DRC11: variants seen among roughly 807,000 people sequenced by gnomAD.
The protein encoded by DRC11 is dynein regulatory complex subunit 11.
chr2:236,393,426 T>A, the DRC11 span, among the ~76,000 whole-genome samples: 2 of 152,148 alleles, frequency 1.3e-5, no homozygotes, highest in Non-Finnish European at 2.9e-5. The surrounding 1 kb of genome is among the most constrained non-coding windows in gnomAD (Gnocchi z 4.7). Flanking sequence ...AAGCATGGCA[T>A]GACCCACTGA....
At chr2:236,501,326 G>A in the DRC11 span, among the ~76,000 whole-genome samples, 3 of 152,040 alleles carry the variant, frequency 2.0e-5, no homozygotes, top group African/African-American at 7.2e-5. Flanking sequence ...AGTTGGGTGG[G>A]GACACAAATC....
At chr2:236,311,746 A>C in the DRC11 span, among the ~76,000 whole-genome samples, 1 of 143,412 alleles carries the variant, frequency 7.0e-6, no homozygotes, top group East Asian at 2.1e-4. This position sits in a 1 kb window ranked among gnomAD's most constrained non-coding sequence, Gnocchi z 6.9. Flanking sequence ...GTTGGGGCTC[A>C]CTTTTGTCTC....
chr2:236,464,645 T>G, the DRC11 span, among the ~76,000 whole-genome samples: 1 of 152,120 alleles, frequency 6.6e-6, no homozygotes. Flanking sequence ...TATCTACCCA[T>G]CTGATAAAGT....
chr2:236,484,348 C>T, the DRC11 span, among the ~76,000 whole-genome samples: 4 of 152,158 alleles, frequency 2.6e-5, no homozygotes, highest in African/African-American at 9.7e-5. Flanking sequence ...TTTGAACATG[C>T]ATTTTATCTG....
chr2:236,350,951 C>T, the DRC11 span, among the ~76,000 whole-genome samples: 2 of 152,204 alleles, frequency 1.3e-5, no homozygotes, highest in Middle Eastern at 3.4e-3. The surrounding 1 kb of genome is among the most constrained non-coding windows in gnomAD (Gnocchi z 5.2). Context: ...GAAGCTACTT[C>T]GTCCAGGAGG....
chr2:236,417,202 C>T, the DRC11 span, among the ~76,000 whole-genome samples: 1 of 152,258 alleles, frequency 6.6e-6, no homozygotes, highest in Non-Finnish European at 1.5e-5. Flanking sequence ...TTGCCTACAT[C>T]GTGCCAGATT....
chr2:236,307,818 C>T, the DRC11 span, among the ~76,000 whole-genome samples: 1 of 152,244 alleles, frequency 6.6e-6, no homozygotes, highest in Admixed American at 6.5e-5. The surrounding 1 kb of genome is among the most constrained non-coding windows in gnomAD (Gnocchi z 7.0). Flanking sequence ...ACAATAGCTT[C>T]CCTGCTGCTT....
the DRC11 span, among the ~76,000 whole-genome samples, chr2:236,432,577 T>C: frequency 0.2 from 30,550 of 152,108 alleles, 3,334 homozygotes; most frequent in Middle Eastern, 0.28. Flanking sequence ...TGTCTATTCA[T>C]ATCCTTTTGC....
At chr2:236,493,161 G>C in the DRC11 span, among the ~76,000 whole-genome samples, 10 of 152,220 alleles carry the variant, frequency 6.6e-5, no homozygotes, top group South Asian at 8.3e-4. Flanking sequence ...GTTTGTGCAG[G>C]GAAACTCCCC....
At chr2:236,477,981 A>G in the DRC11 span, among the ~76,000 whole-genome samples, 11 of 151,042 alleles carry the variant, frequency 7.3e-5, no homozygotes, top group African/African-American at 2.7e-4. Context: ...TCTTTTCAAA[A>G]ACTCAACTTT....
At chr2:236,405,142 C>A in the DRC11 span, among the ~76,000 whole-genome samples, 1 of 152,150 alleles carries the variant, frequency 6.6e-6, no homozygotes, top group South Asian at 2.1e-4. This position sits in a 1 kb window ranked among gnomAD's most constrained non-coding sequence, Gnocchi z 4.6. Flanking sequence ...TGGCACCCAA[C>A]AAATGTAAAT....
At chr2:236,353,591 G>GA in the DRC11 span, among the ~76,000 whole-genome samples, 12 of 151,650 alleles carry the variant, frequency 7.9e-5, no homozygotes, top group East Asian at 1.9e-4. The surrounding 1 kb of genome is among the most constrained non-coding windows in gnomAD (Gnocchi z 5.0). Flanking sequence ...AGAACTGCAG[G>GA]AAAAAAAACA....
At chr2:236,502,548 C>CCTGGG in the DRC11 span, among the ~76,000 whole-genome samples, 2 of 15,086 alleles carry the variant, frequency 1.3e-4, no homozygotes, top group East Asian at 9.2e-4. Context: ...TGCACTCCAG[C>CCTGGG]AAAAAAAAAA....
chr2:236,376,458 T>C, the DRC11 span, among the ~76,000 whole-genome samples: 1 of 152,242 alleles, frequency 6.6e-6, no homozygotes, highest in Admixed American at 6.5e-5. This position sits in a 1 kb window ranked among gnomAD's most constrained non-coding sequence, Gnocchi z 5.7. Flanking sequence ...TTTGATTTTC[T>C]GAGTGATTTT....
the DRC11 span, among the ~76,000 whole-genome samples, chr2:236,464,140 G>A: frequency 5.3e-5 from 8 of 152,214 alleles, no homozygotes; most frequent in Admixed American, 2.0e-4. Flanking sequence ...CACTCTAGCC[G>A]TATCCTTGTC....
At chr2:236,374,621 T>C in the DRC11 span, among the ~76,000 whole-genome samples, 2 of 152,154 alleles carry the variant, frequency 1.3e-5, no homozygotes, top group Non-Finnish European at 2.9e-5. Context: ...ATGTCTCACA[T>C]TGTGAGAACG....
the DRC11 span, among the ~76,000 whole-genome samples, chr2:236,349,449 A>G: frequency 6.6e-6 from 1 of 152,330 alleles, no homozygotes; most frequent in African/African-American, 2.4e-5. This position sits in a 1 kb window ranked among gnomAD's most constrained non-coding sequence, Gnocchi z 5.5. Flanking sequence ...ACTGAATCCA[A>G]TGGAGAAACC....
chr2:236,311,552 G>A, the DRC11 span, among the ~76,000 whole-genome samples: 1 of 152,184 alleles, frequency 6.6e-6, no homozygotes, highest in Non-Finnish European at 1.5e-5. This position sits in a 1 kb window ranked among gnomAD's most constrained non-coding sequence, Gnocchi z 6.9. Context: ...TAGGATCCTG[G>A]AGGTCTGCTG....
At chr2:236,354,341 ATG>A in the DRC11 span, among the ~76,000 whole-genome samples, 1 of 105,388 alleles carries the variant, frequency 9.5e-6, no homozygotes, top group Non-Finnish European at 2.1e-5. Flanking sequence ...ATTAGTGTGC[ATG>A]TGTGTGTGTG....
Sources: allele counts gnomAD v4.1 joint callset (sites outside exome capture counted in the v4.1 genomes callset), GRCh38; gene constraint gnomAD v4.1.1; non-coding constraint Gnocchi (gnomAD v3.1); transcripts MANE v1.5; gene names NCBI Gene and HGNC (gene_info 2026-07-23, HGNC 2026-07-21).